The following CTNNA3 variants were observed in gnomAD, a reference collection of about 807,000 sequenced individuals.
CTNNA3 encodes the protein catenin alpha 3, also known as catenin alpha-3.
In CTNNA3, 76 loss-of-function variants were observed where a neutral mutation model predicts 95.7. That is an observed-to-expected ratio of 0.79 (90% CI 0.66 to 0.96). The LOEUF is 0.96. Among genes scored for constraint, CTNNA3 ranks in the 40% least tolerant of loss-of-function variants. The pLI is 0.00. For synonymous variants in CTNNA3, 431 were observed against 374.4 expected, an observed-to-expected ratio of 1.15 and a Z score of -1.74; for missense variants, 1,191 against 1,089.8, an observed-to-expected ratio of 1.09 and a Z score of -1.31.
chr10:66,604,972 A>C (rs1386448548), intron 10 of CTNNA3, among the ~76,000 whole-genome samples: 1 of 152,174 alleles, frequency 6.6e-6, no homozygotes, highest in Non-Finnish European at 1.5e-5. Context: ...GGCGGAAATG[A>C]CAGAAGTAGA....
chr10:67,350,864 C>A (rs1201551970), intron 5 of CTNNA3, among the ~76,000 whole-genome samples: 4 of 65,094 alleles, frequency 6.1e-5, no homozygotes, highest in Non-Finnish European at 1.4e-4. Flanking sequence ...CAAGTGAAAA[C>A]CTCTATTCAT....
At chr10:66,045,388 A>G (rs1413776634) in intron 15 of CTNNA3, among the ~76,000 whole-genome samples, 1 of 152,198 alleles carries the variant, frequency 6.6e-6, no homozygotes, top group Non-Finnish European at 1.5e-5. Flanking sequence ...CTGAAAACTT[A>G]TTGTGAGACT....
At chr10:67,063,739 TA>T (rs1564865305) in intron 7 of CTNNA3, among the ~76,000 whole-genome samples, 1 of 152,250 alleles carries the variant, frequency 6.6e-6, no homozygotes, top group Admixed American at 6.5e-5. Context: ...GTACTCTATA[TA>T]AACTCTTACA....
chr10:66,143,219 G>A (rs1026084233), intron 13 of CTNNA3, among the ~76,000 whole-genome samples: 1 of 151,924 alleles, frequency 6.6e-6, no homozygotes, highest in African/African-American at 2.4e-5. Flanking sequence ...TATGCTTACA[G>A]TACCAAAAAA....
chr10:67,448,820 T>C (rs559808345), intron 5 of CTNNA3, among the ~76,000 whole-genome samples: 116 of 148,704 alleles, frequency 7.8e-4, no homozygotes, highest in African/African-American at 2.8e-3. Context: ...TATAGATATA[T>C]AATTGTTATA....
intron 1 of CTNNA3, among the ~76,000 whole-genome samples, chr10:67,674,056 G>T (rs1293508177): frequency 1.3e-5 from 2 of 151,674 alleles, no homozygotes; most frequent in African/African-American, 2.4e-5. Context: ...AGTCCCTCTG[G>T]TGTATACATT....
intron 1 of CTNNA3, among the ~76,000 whole-genome samples, chr10:67,702,217 C>T (rs1400428176): frequency 1.3e-5 from 2 of 151,882 alleles, no homozygotes; most frequent in Admixed American, 6.6e-5. Flanking sequence ...GACAGATCAA[C>T]GAGACAGAAA....
intron 13 of CTNNA3, among the ~76,000 whole-genome samples, chr10:66,218,177 T>C (rs888292582): frequency 2.6e-5 from 4 of 152,272 alleles, no homozygotes; most frequent in African/African-American, 9.6e-5. Context: ...GCCTAAATTT[T>C]CTGGGCCATA....
At chr10:66,925,773 C>A (rs1589432718) in intron 7 of CTNNA3, 1 of 283,484 alleles carries the variant, frequency 3.5e-6, no homozygotes, top group South Asian at 2.9e-5. Context: ...CTCTGGGCAG[C>A]ACATGTTTAG....
intron 5 of CTNNA3, among the ~76,000 whole-genome samples, chr10:67,469,755 C>A (rs1196342282): frequency 6.6e-6 from 1 of 151,238 alleles, no homozygotes; most frequent in Non-Finnish European, 1.5e-5. Flanking sequence ...ACTTAAAGTA[C>A]AATAAAAAAT....
intron 10 of CTNNA3, among the ~76,000 whole-genome samples, chr10:66,575,627 C>G (rs2840117): frequency 0.29 from 43,768 of 152,012 alleles, 6,715 homozygotes; most frequent in Middle Eastern, 0.42. Context: ...TGGTGGGAGA[C>G]AGAGATGGCA....
Position 67,079,565 on chromosome 10 carries a change from C to T in CTNNA3, c.1047+100752G>A, listed in dbSNP as rs115310052. On this transcript the variant is annotated intron_variant, in intron 7 of 17. Coordinates refer to ENST00000433211, the MANE Select transcript of CTNNA3 (RefSeq NM_013266.4). ...AGATAAAACATAACAATAAGATAGT[C>T]ACAGCCCAGCGCGGTGGCTCATGCC... 4.8e-3 allele frequency among the ~76,000 whole-genome samples: 735 copies of T among 152,048 alleles called. 5 individuals are homozygous for T. The highest frequency in any genetic ancestry group is 0.017 in the African/African-American group (700 of 41,516).
rs966625198 is a variant in CTNNA3 at position 67,612,422 on chromosome 10, C to G, written c.100-5373G>C. ...AGAGCCTTTAAGAACAGATAATTTT[C>G]TACCAGAAGAGATAAAAGGGAGGTA... On this transcript the variant is annotated intron_variant, in intron 2 of 17. Transcript: ENST00000433211. Among the ~76,000 whole-genome samples, 7 of 152,034 alleles carry G rather than the reference C, an allele frequency of 4.6e-5. 1 individual carries two copies. The highest frequency in any genetic ancestry group is 4.6e-4 in the Admixed American group (7 of 15,262).
chr10:67,563,137 T>G (rs1479536871), intron 3 of CTNNA3, among the ~76,000 whole-genome samples: 2 of 152,046 alleles, frequency 1.3e-5, no homozygotes, highest in Admixed American at 6.6e-5. Context: ...TGGAAAAAAC[T>G]ACTTTAAAGT....
At chr10:66,636,427 A>G (rs1023436703) in intron 9 of CTNNA3, among the ~76,000 whole-genome samples, 9 of 151,988 alleles carry the variant, frequency 5.9e-5, no homozygotes, top group Non-Finnish European at 1.5e-5. Context: ...TTTTAAATAT[A>G]TATTATTTAT....
intron 7 of CTNNA3, among the ~76,000 whole-genome samples, chr10:67,040,635 C>T (rs1348452060): frequency 6.6e-6 from 1 of 151,924 alleles, no homozygotes; most frequent in African/African-American, 2.4e-5. Context: ...AAACAGTATA[C>T]AATGGTGACA....
intron 3 of CTNNA3, among the ~76,000 whole-genome samples, chr10:67,551,189 T>C (rs542976052): frequency 6.6e-6 from 1 of 151,794 alleles, no homozygotes; most frequent in South Asian, 2.1e-4. Flanking sequence ...GAGAAACACA[T>C]CTTGGTGGAG....
Position 67,098,046 on chromosome 10 carries a change from AT to A in CTNNA3, c.1047+82270del, listed in dbSNP as rs1301721335. On this transcript the variant is annotated intron_variant, in intron 7 of 17. Coordinates refer to ENST00000433211, the MANE Select transcript of CTNNA3 (RefSeq NM_013266.4). The stretch of plus-strand genomic sequence containing the variant: ...GAGTATGACCCTGAAAAATAAAAGA[AT>A]CTTTTTTTTTCAAAACTCATCCTAC... The A allele has an allele frequency of 6.3e-6, 3 of 476,404 alleles. No homozygotes were observed. In the East Asian group the frequency reaches 1.1e-4, roughly 17 times the overall value. The allele number at this position is 476,404 out of a possible 1,614,324, so 29.5% of individuals were successfully genotyped here. A position where few individuals can be genotyped will look rare whatever the true frequency, so the allele number is the denominator to read the frequency against.
chr10:66,872,211 A>C (rs1206990661), intron 7 of CTNNA3, among the ~76,000 whole-genome samples: 2 of 152,156 alleles, frequency 1.3e-5, no homozygotes, highest in African/African-American at 4.8e-5. Context: ...TGCATAAATA[A>C]TCTTATTTTA....
Sources: allele counts gnomAD v4.1 joint callset (sites outside exome capture counted in the v4.1 genomes callset), GRCh38; gene constraint gnomAD v4.1.1; transcripts MANE v1.5; gene names NCBI Gene and HGNC (gene_info 2026-07-23, HGNC 2026-07-21).